Variants in THRB observed in about 807,000 individuals in gnomAD.
THRB encodes thyroid hormone receptor beta.
In THRB, 12 loss-of-function variants were observed where a neutral mutation model predicts 47.8. The ratio of observed to expected loss-of-function variants is 0.25; its 90% CI spans 0.16 to 0.41. The LOEUF is 0.41. Among genes scored for constraint, THRB ranks in the 10% least tolerant of loss-of-function variants. The pLI is 1.00. For missense variants in THRB, 348 were observed against 589.2 expected (o/e 0.59, Z 4.24); for synonymous variants, 218 against 212.2 (o/e 1.03, Z -0.24).
chr3:24,138,186 G>A (rs1396512533), intron 8 of THRB, among the ~76,000 whole-genome samples: 1 of 152,086 alleles, frequency 6.6e-6, no homozygotes, highest in African/African-American at 2.4e-5. Context: ...AGGACTTCTT[G>A]GCTTGAAAAG....
At chr3:24,215,706 C>T (rs2046492004) in intron 4 of THRB, among the ~76,000 whole-genome samples, 1 of 152,216 alleles carries the variant, frequency 6.6e-6, no homozygotes, top group Non-Finnish European at 1.5e-5. Context: ...CTGCATTTCC[C>T]AGCAACCTTG....
At chr3:24,216,777 AT>A (rs1358624758) in intron 4 of THRB, among the ~76,000 whole-genome samples, 2 of 152,206 alleles carry the variant, frequency 1.3e-5, no homozygotes, top group Non-Finnish European at 2.9e-5. Flanking sequence ...AACTTAAAGA[AT>A]TTACGAATGT....
intron 1 of THRB, among the ~76,000 whole-genome samples, chr3:24,425,544 A>T (rs2069675232): frequency 6.6e-6 from 1 of 152,010 alleles, no homozygotes; most frequent in South Asian, 2.1e-4. Context: ...GAGTAATATC[A>T]GAATGAGTTA....
Position 24,117,980 on chromosome 3 carries a change from C to T in THRB, c.*4904G>A, listed in dbSNP as rs921844149. 6.6e-6 allele frequency: 1 copy of T among 152,172 alleles called. No individual in the cohort carries two copies. Among genetic ancestry groups the T allele is most frequent in the African/African-American group, 2.4e-5 (1 of 41,446 alleles). 9.4% of individuals were successfully genotyped at this position (152,172 alleles called of 1,614,324 possible). A position where few individuals can be genotyped will look rare whatever the true frequency, so the allele number is the denominator to read the frequency against. ...AACTTCACCTCTCTCCTCCCTTCAT[C>T]TTTGTGGCCCCTTCCAAAGAGGTAA... On this transcript the variant is annotated 3_prime_UTR_variant, in exon 11 of 11. Transcript: ENST00000646209.
chr3:24,290,769 CTT>C (rs1194658501), intron 3 of THRB, among the ~76,000 whole-genome samples: 1 of 152,156 alleles, frequency 6.6e-6, no homozygotes, highest in Non-Finnish European at 1.5e-5. Context: ...ACCTTGAAAC[CTT>C]TTTCTTGGAA....
Position 24,409,568 on chromosome 3 carries a change from T to C in THRB, c.-260-72197A>G, listed in dbSNP as rs147182668. 2.9e-3 allele frequency among the ~76,000 whole-genome samples: 444 copies of C among 151,900 alleles called. 3 individuals carry two copies. Among genetic ancestry groups the C allele is most frequent in the African/African-American group, 0.01 (419 of 41,498 alleles). On this transcript the variant is annotated intron_variant, in intron 1 of 10. Transcript: ENST00000646209. ...CTTAGCTGTACAAGGAGAATTACAG[T>C]AGCTAGTGTATGCCATATGGCCACT...
intron 1 of THRB, among the ~76,000 whole-genome samples, chr3:24,358,449 G>A (rs2149615329): frequency 6.6e-6 from 1 of 152,128 alleles, no homozygotes; most frequent in East Asian, 1.9e-4. Flanking sequence ...ATTTATTTTG[G>A]CATAAGTAGT....
At chr3:24,241,488 A>G (rs771961737) in intron 3 of THRB, among the ~76,000 whole-genome samples, 2 of 152,148 alleles carry the variant, frequency 1.3e-5, no homozygotes, top group Non-Finnish European at 2.9e-5. Context: ...GTCCTGCTCA[A>G]CTTCCTCAGG....
chr3:24,264,756 T>C (rs1442197880), intron 3 of THRB, among the ~76,000 whole-genome samples: 2 of 151,638 alleles, frequency 1.3e-5, no homozygotes, highest in East Asian at 1.9e-4. Context: ...TTTCAAATAT[T>C]TGACACTTAG....
chr3:24,142,367 T>C (rs955146329), intron 8 of THRB, among the ~76,000 whole-genome samples: 2 of 152,356 alleles, frequency 1.3e-5, no homozygotes, highest in Middle Eastern at 3.4e-3. Context: ...CTGGCACTAT[T>C]GTTTCATTAC....
intron 5 of THRB, among the ~76,000 whole-genome samples, chr3:24,172,065 A>G (rs2040510280): frequency 6.6e-6 from 1 of 152,236 alleles, no homozygotes; most frequent in East Asian, 1.9e-4. Flanking sequence ...ACAACTTTGA[A>G]TGACTTTGTA....
intron 1 of THRB, chr3:24,430,659 A>G (rs1207154928): frequency 6.6e-6 from 1 of 152,116 alleles, no homozygotes; most frequent in African/African-American, 2.4e-5. Context: ...ACTAGAAAGA[A>G]GAGAATTTCT....
intron 2 of THRB, among the ~76,000 whole-genome samples, chr3:24,306,612 G>C (rs908430937): frequency 2.6e-5 from 4 of 152,078 alleles, no homozygotes; most frequent in Non-Finnish European, 5.9e-5. Context: ...AAGGTGATCA[G>C]AACAGCTGAT....
At position 24,121,266 on chromosome 3, in the gene THRB, C is replaced by G. The variant is rs1168396358; in HGVS notation, c.*1618G>C. 1 of 152,614 alleles carries G rather than the reference C, an allele frequency of 6.6e-6. No homozygotes were observed. The highest frequency in any genetic ancestry group is 1.9e-4 in the East Asian group (1 of 5,194). The allele number at this position is 152,614 out of a possible 1,614,324, so 9.5% of individuals were successfully genotyped here. On this transcript the variant is annotated 3_prime_UTR_variant, in exon 11 of 11. Transcript: ENST00000646209. ...CCAGTTGACAGAGCACGAACTAGAA[C>G]TCAGGCACCCAGACTTCTGGGCCAG...
rs139593641 is a variant in THRB at position 24,401,037 on chromosome 3, G to A, written c.-260-63666C>T. ...ATAACCCAAAGTGTCTGAGACTACA[G>A]TACTTACATCTCATTAACCACCAAT... is the stretch of plus-strand genomic sequence containing the variant. On this transcript the variant is annotated intron_variant, in intron 1 of 10. Coordinates refer to ENST00000646209, the MANE Select transcript of THRB (RefSeq NM_001354712.2). Among the ~76,000 whole-genome samples, 647 of 152,072 alleles carry A rather than the reference G, an allele frequency of 4.3e-3. 23 individuals are homozygous for A. Among genetic ancestry groups the A allele is most frequent in the Admixed American group, 0.035 (541 of 15,256 alleles).
chr3:24,344,720 C>T (rs576314648), intron 1 of THRB, among the ~76,000 whole-genome samples: 8 of 151,896 alleles, frequency 5.3e-5, no homozygotes, highest in Admixed American at 6.6e-5. Flanking sequence ...ACAAAAGTTC[C>T]ACAAAATAAT....
At chr3:24,449,640 G>A (rs554812933) in intron 1 of THRB, among the ~76,000 whole-genome samples, 10 of 152,216 alleles carry the variant, frequency 6.6e-5, no homozygotes, top group African/African-American at 2.4e-4. Context: ...GTATGGTTTA[G>A]GGATATGAGG....
chr3:24,348,330 G>A (rs937434968), intron 1 of THRB, among the ~76,000 whole-genome samples: 3 of 152,074 alleles, frequency 2.0e-5, no homozygotes, highest in East Asian at 1.9e-4. Flanking sequence ...ACAATAGATT[G>A]TGAACACGCC....
chr3:24,454,433 TA>T (rs1386102348), intron 1 of THRB, among the ~76,000 whole-genome samples: 1 of 152,160 alleles, frequency 6.6e-6, no homozygotes, highest in African/African-American at 2.4e-5. Context: ...CTAAAATTAA[TA>T]GTGGTGATAG....
Sources: allele counts gnomAD v4.1 joint callset (sites outside exome capture counted in the v4.1 genomes callset), GRCh38; gene constraint gnomAD v4.1.1; transcripts MANE v1.5; gene names NCBI Gene and HGNC (gene_info 2026-07-23, HGNC 2026-07-21).